IQCH: variants seen among roughly 807,000 people sequenced by gnomAD.
IQCH encodes the protein IQ domain-containing protein H.
IQCH carries 98 observed loss-of-function variants against 117.0 expected under a neutral mutation model. The observed-to-expected ratio is 0.84, with a 90% CI of 0.71 to 0.99. The LOEUF (loss-of-function observed/expected upper bound fraction) is 0.99, where lower values mean the gene tolerates loss of function less well. Ranked by LOEUF, IQCH falls within the 50% of genes least tolerant of loss-of-function variation. The pLI is 0.00. For synonymous variants in IQCH, 412 were observed against 448.2 expected, an observed-to-expected ratio of 0.92 and a Z score of 1.02; for missense variants, 1,102 against 1,243.8, an observed-to-expected ratio of 0.89 and a Z score of 1.72.
chr15:67,471,822 T>TA (rs2083077337), intron 17 of IQCH, among the ~76,000 whole-genome samples: 1 of 152,230 alleles, frequency 6.6e-6, no homozygotes, highest in Non-Finnish European at 1.5e-5. Flanking sequence ...AGGTGATTGA[T>TA]AGTTTCTTCC....
intron 4 of IQCH, among the ~76,000 whole-genome samples, chr15:67,295,316 A>G (rs1966845792): frequency 6.6e-6 from 1 of 152,214 alleles, no homozygotes; most frequent in African/African-American, 2.4e-5. Context: ...TGTAAAGACC[A>G]TATTTTCCAG....
chr15:67,472,293 G>C lies in IQCH; in HGVS notation c.2677-3403G>C. 6.6e-6 allele frequency among the ~76,000 whole-genome samples: 1 copy of C among 152,224 alleles called. No homozygotes were observed. Among genetic ancestry groups the C allele is most frequent in the South Asian group, 2.1e-4 (1 of 4,824 alleles). On this transcript the variant is annotated intron_variant, in intron 17 of 20. Transcript: ENST00000335894. The surrounding 1 kb of genome is among the most constrained non-coding windows in gnomAD (Gnocchi z 4.3). ...CCAGTCAGACTGGAGCACAGAACTGGGGAAGTGGGAAGCAGGAGAAGTAGT... is the reference window on the plus strand; with the variant it reads ...CCAGTCAGACTGGAGCACAGAACTGCGGAAGTGGGAAGCAGGAGAAGTAGT...
chr15:67,289,097 C>A (rs1808571812), intron 4 of IQCH, among the ~76,000 whole-genome samples: 1 of 152,012 alleles, frequency 6.6e-6, no homozygotes, highest in Non-Finnish European at 1.5e-5. Context: ...TGAAGACAAT[C>A]AAGAGATGAG....
rs906238959 is a variant in IQCH at position 67,443,427 on chromosome 15, A to G, written c.2506-21700A>G. 9.2e-5 allele frequency among the ~76,000 whole-genome samples: 14 copies of G among 152,078 alleles called. No individual in the cohort carries two copies. Among genetic ancestry groups the G allele is most frequent in the Non-Finnish European group, 1.8e-4 (12 of 68,012 alleles). ...ACAATCGACTTTGGGGACTTGGGGG[A>G]AAGAGTGGGAGGGGGTGAGGGACAA... On this transcript the variant is annotated intron_variant, in intron 16 of 20. Transcript: ENST00000335894. The surrounding 1 kb of genome is among the most constrained non-coding windows in gnomAD (Gnocchi z 5.0).
intron 5 of IQCH, 36 bp downstream of exon 5, chr15:67,337,131 A>G: frequency 6.2e-7 from 1 of 1,609,990 alleles, no homozygotes; most frequent in South Asian, 1.1e-5. Context: ...GTGTTTAGGA[A>G]CGGAAAAGAA....
intron 10 of IQCH, among the ~76,000 whole-genome samples, chr15:67,378,598 C>A (rs1025097106): frequency 5.3e-5 from 8 of 151,792 alleles, no homozygotes; most frequent in South Asian, 4.2e-4. Flanking sequence ...TTTGTATTCA[C>A]CCATGTAATC....
At chr15:67,345,317 C>G (rs1245279381) in intron 6 of IQCH, among the ~76,000 whole-genome samples, 1 of 152,110 alleles carries the variant, frequency 6.6e-6, no homozygotes, top group South Asian at 2.1e-4. Flanking sequence ...GTTACCTCCT[C>G]CTCCAGGAAA....
chr15:67,272,954 C>T (rs944113410), intron 3 of IQCH, among the ~76,000 whole-genome samples: 2 of 152,096 alleles, frequency 1.3e-5, no homozygotes, highest in African/African-American at 4.8e-5. Context: ...ATTTTTATTG[C>T]TTGTTTTCTG....
In IQCH at chr15:67,457,102, G is replaced by A. The variant is rs2082676159; in HGVS notation, c.2506-8025G>A. On this transcript the variant is annotated intron_variant, in intron 16 of 20. Transcript: ENST00000335894. This position sits in a 1 kb window ranked among gnomAD's most constrained non-coding sequence, Gnocchi z 5.7. ...CGTTCTTCACTTCTCCAAGAGACTG[G>A]GCTATCCCAACAGCTGCCACCAGGT... Among the ~76,000 whole-genome samples the A allele has an allele frequency of 6.6e-6, 1 of 152,158 alleles. No individual in the cohort carries two copies. Among genetic ancestry groups the A allele is most frequent in the South Asian group, 2.1e-4 (1 of 4,830 alleles).
Position 67,344,046 on chromosome 15 carries a change from T to C in IQCH, c.509-17T>C. The C allele has an allele frequency of 6.2e-7, 1 of 1,607,486 alleles. No individual in the cohort carries two copies. On this transcript the variant is annotated splice_polypyrimidine_tract_variant and intron_variant, in intron 5 of 20. Coordinates refer to ENST00000335894, the MANE Select transcript of IQCH (RefSeq NM_001031715.3). Reference sequence around the variant, plus strand: ...TGCTTGGAATTAAACTCACATTTTATTAATGTTTCTTTTTAGGGATTTTAA... The same window carrying C: ...TGCTTGGAATTAAACTCACATTTTACTAATGTTTCTTTTTAGGGATTTTAA...
intron 4 of IQCH, among the ~76,000 whole-genome samples, chr15:67,333,243 A>G (rs191929419): frequency 1.2e-3 from 176 of 152,322 alleles, no homozygotes; most frequent in African/African-American, 3.8e-3. Context: ...AGCTTCACTC[A>G]TTTATTTACA....
Position 67,458,853 on chromosome 15 carries a change from G to A in IQCH, c.2506-6274G>A, listed in dbSNP as rs1054033268. 3.3e-5 allele frequency among the ~76,000 whole-genome samples: 5 copies of A among 152,248 alleles called. No homozygotes were observed. Among genetic ancestry groups the A allele is most frequent in the African/African-American group, 9.6e-5 (4 of 41,462 alleles). The stretch of plus-strand genomic sequence containing the variant: ...AACCAGCTACTGAGCATGATGGGCC[G>A]TGTATCACAGTTCACCCTGAAGGCT... On this transcript the variant is annotated intron_variant, in intron 16 of 20. Coordinates refer to ENST00000335894, the MANE Select transcript of IQCH (RefSeq NM_001031715.3). This position sits in a 1 kb window ranked among gnomAD's most constrained non-coding sequence, Gnocchi z 4.1.
In IQCH at chr15:67,387,597, G is replaced by A. The variant is rs1420595560; in HGVS notation, c.1457-1234G>A. ...GATCAAAAGGAATGTAGGTGTGGGG[G>A]CAGCTGGGGAATCACTGTTGGCCAG... is the stretch of plus-strand genomic sequence containing the variant. On this transcript the variant is annotated intron_variant, in intron 11 of 20. Transcript: ENST00000335894. The surrounding 1 kb of genome is among the most constrained non-coding windows in gnomAD (Gnocchi z 4.8). Among the ~76,000 whole-genome samples, 1 of 152,054 alleles carries A rather than the reference G, an allele frequency of 6.6e-6. No individual in the cohort carries two copies. Among genetic ancestry groups the A allele is most frequent in the East Asian group, 1.9e-4 (1 of 5,194 alleles).
intron 8 of IQCH, among the ~76,000 whole-genome samples, chr15:67,371,864 A>G (rs1970545819): frequency 6.6e-6 from 1 of 152,188 alleles, no homozygotes; most frequent in South Asian, 2.1e-4. Context: ...TCCTTGAACA[A>G]TTTTATAACA....
rs1971456375 is a variant in IQCH, at chr15:67,395,932, A to G, written c.1905+369A>G. Among the ~76,000 whole-genome samples, 1 of 152,126 alleles carries G rather than the reference A, an allele frequency of 6.6e-6. No homozygotes were observed. Among genetic ancestry groups the G allele is most frequent in the East Asian group, 1.9e-4 (1 of 5,176 alleles). On this transcript the variant is annotated intron_variant, in intron 13 of 20. Coordinates refer to ENST00000335894, the MANE Select transcript of IQCH (RefSeq NM_001031715.3). This position sits in a 1 kb window ranked among gnomAD's most constrained non-coding sequence, Gnocchi z 4.0. ...TGATCTGCCCACCTCAGCCTCCCAA[A>G]GTGCTGGGATTACCAGCGTGAGCCA...
intron 4 of IQCH, among the ~76,000 whole-genome samples, chr15:67,284,055 A>T (rs557812144): frequency 6.6e-6 from 1 of 152,128 alleles, no homozygotes; most frequent in East Asian, 1.9e-4. Context: ...AAACAATCCA[A>T]TTATACTCTT....
chr15:67,423,852 T>TAAAAAAA (rs10560261), intron 16 of IQCH, among the ~76,000 whole-genome samples: 1 of 138,020 alleles, frequency 7.2e-6, no homozygotes. Context: ...AGATTTCATC[T>TAAAAAAA]AAAAAAAAAA....
At chr15:67,281,632 A>G (rs1188342323) in intron 4 of IQCH, 1 of 452,392 alleles carries the variant, frequency 2.2e-6, no homozygotes, top group Admixed American at 2.4e-5. Flanking sequence ...CAGATCCAGG[A>G]AATGACTGGA....
At chr15:67,277,558 G>A (rs1966177421) in intron 3 of IQCH, among the ~76,000 whole-genome samples, 1 of 144,110 alleles carries the variant, frequency 6.9e-6, no homozygotes, top group Admixed American at 7.1e-5. Flanking sequence ...TTTTTAGACG[G>A]AGTCTCGCTC....
Sources: allele counts gnomAD v4.1 joint callset (sites outside exome capture counted in the v4.1 genomes callset), GRCh38; gene constraint gnomAD v4.1.1; non-coding constraint Gnocchi (gnomAD v3.1); transcripts MANE v1.5; gene names NCBI Gene and HGNC (gene_info 2026-07-23, HGNC 2026-07-21).